NPAS1: variants seen among roughly 807,000 people sequenced by gnomAD.
NPAS1 encodes the protein neuronal PAS domain protein 1.
Under a neutral mutation model 49.2 loss-of-function variants are expected in NPAS1, and 29 were observed. The observed-to-expected ratio is 0.59, with a 90% confidence interval of 0.44 to 0.80. NPAS1 has a LOEUF of 0.80. Among genes scored for constraint, NPAS1 ranks in the 30% least tolerant of loss-of-function variants. The pLI, the probability that NPAS1 is intolerant of heterozygous loss-of-function variation, is 0.00. For missense variants in NPAS1, 825 were observed against 835.5 expected (o/e 0.99, Z 0.15); for synonymous variants, 408 against 380.4 (o/e 1.07, Z -0.84).
chr19:47,045,522 G>A lies in NPAS1; in HGVS notation c.1644G>A (p.Glu548=), dbSNP rs1223697665. The A allele has an allele frequency of 2.0e-6, 3 of 1,534,376 alleles. No individual in the cohort carries two copies. The highest frequency in any genetic ancestry group is 2.6e-6 in the Non-Finnish European group (3 of 1,146,850). The change falls in exon 12 of 12, where the codon GAG becomes GAA. Residue 548 remains glutamate, a synonymous_variant. Coordinates refer to ENST00000602212, the MANE Select transcript of NPAS1 (RefSeq NM_002517.4). ...TPGTIRYGPA[E]LGLVYPHLQR... is the part of the protein sequence containing the mutation. ...GCACCATCCGCTACGGCCCCGCGGA[G>A]CTGGGCCTGGTGTACCCGCACCTGC... is the stretch of plus-strand genomic sequence containing the variant.
intron 3 of NPAS1, among the ~76,000 whole-genome samples, chr19:47,024,896 G>A (rs1443990662): frequency 3.9e-5 from 5 of 128,846 alleles, no homozygotes; most frequent in African/African-American, 1.1e-4. Flanking sequence ...TGCAATCTCC[G>A]CCTCCTGGGT....
Position 47,021,162 on chromosome 19 carries a change from G to A in NPAS1, c.115G>A (p.Gly39Arg), listed in dbSNP as rs749827904. The A allele has an allele frequency of 3.8e-6, 6 of 1,582,724 alleles. No individual in the cohort carries two copies. The highest frequency in any genetic ancestry group is 1.8e-4 in the Middle Eastern group (1 of 5,702). ...LPGLMVKAPS[G>R]PCLQAQRKEK... Reference sequence around the variant, plus strand: ...CGGGCTGATGGTCAAGGCGCCGTCCGGACCGTGGTGAGCAAAGCCCCGCCC... The same window carrying A: ...CGGGCTGATGGTCAAGGCGCCGTCCAGACCGTGGTGAGCAAAGCCCCGCCC... Residue 39 changes from glycine to arginine, a missense_variant, in exon 2 of 12, where the codon GGA becomes AGA. Coordinates refer to ENST00000602212, the MANE Select transcript of NPAS1 (RefSeq NM_002517.4). The surrounding 1 kb of genome is among the most constrained non-coding windows in gnomAD (Gnocchi z 5.7).
Position 47,025,071 on chromosome 19 carries a change from C to T in NPAS1, c.358+3224C>T, listed in dbSNP as rs75226066. On this transcript the variant is annotated intron_variant, in intron 3 of 11. Transcript: ENST00000602212. ...TTATCCTCCCAAAGTGCTGGGATTGCAGGCGTGAGGCGCCGTGCCCGGCTT... is the reference window on the plus strand; with the variant it reads ...TTATCCTCCCAAAGTGCTGGGATTGTAGGCGTGAGGCGCCGTGCCCGGCTT... Among the ~76,000 whole-genome samples the T allele has an allele frequency of 8.4e-3, 1,000 of 119,066 alleles. 81 individuals carry two copies. The highest frequency in any genetic ancestry group is 0.024 in the African/African-American group (947 of 38,800). 78.1% of individuals were successfully genotyped at this position (119,066 alleles called of 152,430 possible). A position where few individuals can be genotyped will look rare whatever the true frequency, so the allele number is the denominator to read the frequency against.
At chr19:47,020,089 G>A (rs1225257824) in intron 1 of NPAS1, 92 bp downstream of exon 1, 2 of 305,320 alleles carry the variant, frequency 6.6e-6, no homozygotes, top group Non-Finnish European at 1.2e-5. Flanking sequence ...GATAGGGGGT[G>A]GGACGAGGGT....
intron 6 of NPAS1, among the ~76,000 whole-genome samples, chr19:47,038,425 G>T (rs2056983166): frequency 6.6e-6 from 1 of 150,724 alleles, no homozygotes; most frequent in African/African-American, 2.4e-5. Context: ...GCTGAGGCAG[G>T]AGAATCACTT....
chr19:47,032,398 C>T (rs769974889), intron 4 of NPAS1, 47 bp downstream of exon 4: 8 of 1,592,852 alleles, frequency 5.0e-6, no homozygotes, highest in East Asian at 4.5e-5. Flanking sequence ...TACCACCTAG[C>T]GGCCGCCTCT....
At chr19:47,043,560 A>T (rs2057044338) in intron 11 of NPAS1, among the ~76,000 whole-genome samples, 1 of 151,980 alleles carries the variant, frequency 6.6e-6, no homozygotes, top group Non-Finnish European at 1.5e-5. Flanking sequence ...ACTGCACTCC[A>T]GTCTAGGTGA....
intron 3 of NPAS1, among the ~76,000 whole-genome samples, chr19:47,024,920 C>G (rs1030816833): frequency 3.4e-5 from 2 of 59,560 alleles, no homozygotes; most frequent in Non-Finnish European, 1.0e-4. Context: ...AGCAATTCTC[C>G]TGACTCAGCC....
chr19:47,032,647 T>C lies in NPAS1; in HGVS notation c.437T>C (p.Leu146Pro). Residue 146 changes from leucine (L) to proline (P), a missense_variant, in exon 5 of 12, where the codon CTG becomes CCG. Coordinates refer to ENST00000602212, the MANE Select transcript of NPAS1 (RefSeq NM_002517.4). ...QHLGGHILQSLDGFVFALNQE... is the reference protein window; with the variant it reads ...QHLGGHILQSPDGFVFALNQE... Reference sequence around the variant, plus strand: ...CCCTGTCTCTCCCGGCTCTAGTCCCTGGATGGCTTTGTGTTCGCCTTGAAC... The same window carrying C: ...CCCTGTCTCTCCCGGCTCTAGTCCCCGGATGGCTTTGTGTTCGCCTTGAAC... 1 of 1,614,036 alleles carries C rather than the reference T, an allele frequency of 6.2e-7. No homozygotes were observed. Among genetic ancestry groups the C allele is most frequent in the Non-Finnish European group, 8.5e-7 (1 of 1,179,862 alleles).
At chr19:47,038,815 T>C (rs1046932853) in intron 6 of NPAS1, among the ~76,000 whole-genome samples, 4 of 151,448 alleles carry the variant, frequency 2.6e-5, no homozygotes, top group African/African-American at 9.7e-5. Context: ...AACAGAGTGA[T>C]ATTCAGTCTC....
intron 6 of NPAS1, among the ~76,000 whole-genome samples, chr19:47,037,934 T>C (rs2056975402): frequency 6.6e-6 from 1 of 152,186 alleles, no homozygotes; most frequent in Non-Finnish European, 1.5e-5. Context: ...CCTGGTGACA[T>C]AGGAGTGACC....
At chr19:47,026,446 C>T (rs1444158605) in intron 3 of NPAS1, among the ~76,000 whole-genome samples, 3 of 152,132 alleles carry the variant, frequency 2.0e-5, no homozygotes, top group Admixed American at 1.3e-4. Context: ...GTGGTGAGGG[C>T]GGAAGTAGGA....
chr19:47,042,555 C>G (rs1243094804), intron 10 of NPAS1, among the ~76,000 whole-genome samples: 2 of 152,192 alleles, frequency 1.3e-5, no homozygotes, highest in Non-Finnish European at 2.9e-5. Flanking sequence ...GCATGAGGTG[C>G]CAGAGGACAC....
intron 6 of NPAS1, among the ~76,000 whole-genome samples, chr19:47,037,469 C>T (rs1456154931): frequency 6.6e-6 from 1 of 151,964 alleles, no homozygotes; most frequent in Non-Finnish European, 1.5e-5. Flanking sequence ...GTTAATTGCC[C>T]CCAGGTCACA....
chr19:47,024,244 G>A (rs891282698), intron 3 of NPAS1, among the ~76,000 whole-genome samples: 4 of 152,132 alleles, frequency 2.6e-5, no homozygotes, highest in African/African-American at 9.7e-5. Flanking sequence ...CCATGATCAT[G>A]CCACTACACT....
rs1358209916 is a variant in NPAS1, at chr19:47,045,481, G to C, written c.1603G>C (p.Gly535Arg). The change falls in exon 12 of 12, where the codon GGC becomes CGC. Residue 535 changes from glycine (G) to arginine (R), a missense_variant. By Grantham distance (125) the Gly-to-Arg change is moderately radical. Transcript: ENST00000602212. Reference protein sequence around the residue: ...HAGFLPPVVRGLCTPGTIRYG... With the variant: ...HAGFLPPVVRRLCTPGTIRYG... The stretch of plus-strand genomic sequence containing the variant: ...GGGCTTCCTGCCGCCGGTGGTGCGG[G>C]GCCTGTGCACACCCGGCACCATCCG... The C allele has an allele frequency of 5.7e-6, 9 of 1,570,764 alleles. 1 individual carries two copies. Among genetic ancestry groups the C allele is most frequent in the Non-Finnish European group, 7.7e-6 (9 of 1,162,416 alleles).
At chr19:47,040,371 C>G in intron 8 of NPAS1, 73 bp from the exon 9 acceptor site, 1 of 1,028,164 alleles carries the variant, frequency 9.7e-7, no homozygotes, top group Non-Finnish European at 1.5e-6. Flanking sequence ...CCCCAGGGGA[C>G]TCTGGAGCCA....
At chr19:47,027,334 C>CTCTCTGCCCCAGGTCCCCCCA (rs2056877631) in intron 3 of NPAS1, among the ~76,000 whole-genome samples, 1 of 88,806 alleles carries the variant, frequency 1.1e-5, no homozygotes, top group Non-Finnish European at 3.2e-5. Context: ...GGATCCCCCT[C>CTCTCTGCCCCAGGTCCCCCCA]TCTCTGCCCC....
chr19:47,027,744 G>A (rs1050788065), intron 3 of NPAS1, among the ~76,000 whole-genome samples: 1 of 151,734 alleles, frequency 6.6e-6, no homozygotes, highest in Admixed American at 6.6e-5. Flanking sequence ...TCTGCTCCTC[G>A]TGCTCCCTCT....
Sources: gnomAD v4.1 joint callset for allele counts (sites outside exome capture counted in the v4.1 genomes callset) on GRCh38, gnomAD v4.1.1 for gene constraint, Gnocchi (gnomAD v3.1) non-coding constraint, MANE v1.5 for transcripts, NCBI Gene and HGNC (gene_info 2026-07-23, HGNC 2026-07-21) for gene names.